Variants in AKAP19 observed in about 807,000 individuals in gnomAD.
The protein encoded by AKAP19 is small A-kinase anchoring protein.
At chr2:190,087,508 G>A in the AKAP19 span, among the ~76,000 whole-genome samples, 2 of 152,146 alleles carry the variant, frequency 1.3e-5, no homozygotes, top group Non-Finnish European at 2.9e-5. Context: ...CTTTTAGTAA[G>A]CATTAATTTG....
chr2:190,043,137 T>C, the AKAP19 span, among the ~76,000 whole-genome samples: 4 of 152,190 alleles, frequency 2.6e-5, no homozygotes. Flanking sequence ...CTTTCTTTCA[T>C]TTTGACCTTG....
chr2:190,055,060 A>G, the AKAP19 span, among the ~76,000 whole-genome samples: 2 of 152,206 alleles, frequency 1.3e-5, no homozygotes, highest in African/African-American at 2.4e-5. Flanking sequence ...TCACAATAGC[A>G]AAGACTTGGA....
chr2:190,047,691 G>A, the AKAP19 span, among the ~76,000 whole-genome samples: 1 of 152,212 alleles, frequency 6.6e-6, no homozygotes, highest in Non-Finnish European at 1.5e-5. Flanking sequence ...TTACTTCAGA[G>A]GGAAAGTACC....
chr2:189,915,267 C>T, the AKAP19 span, among the ~76,000 whole-genome samples: 12 of 152,186 alleles, frequency 7.9e-5, no homozygotes, highest in Middle Eastern at 6.8e-3. Context: ...TAAAAATAAC[C>T]TTTGCTTCTT....
At chr2:190,046,132 T>TC in the AKAP19 span, among the ~76,000 whole-genome samples, 2 of 152,020 alleles carry the variant, frequency 1.3e-5, no homozygotes, top group Admixed American at 1.3e-4. Context: ...CCTTGATTAG[T>TC]CCCAGCGTGA....
the AKAP19 span, among the ~76,000 whole-genome samples, chr2:190,072,312 T>G: frequency 6.6e-6 from 1 of 152,124 alleles, no homozygotes; most frequent in Non-Finnish European, 1.5e-5. Context: ...TGTAGGGTAC[T>G]AAGCTCACTA....
At chr2:189,967,036 C>T in the AKAP19 span, among the ~76,000 whole-genome samples, 1 of 152,216 alleles carries the variant, frequency 6.6e-6, no homozygotes, top group East Asian at 1.9e-4. Context: ...CATGGCTTCT[C>T]AAATACTCTA....
chr2:190,118,203 T>C, the AKAP19 span, among the ~76,000 whole-genome samples: 1 of 151,992 alleles, frequency 6.6e-6, no homozygotes, highest in Non-Finnish European at 1.5e-5. Context: ...AATAACAGGC[T>C]CTGAAATTGA....
At chr2:190,026,840 A>G in the AKAP19 span, among the ~76,000 whole-genome samples, 1,388 of 152,264 alleles carry the variant, frequency 9.1e-3, 13 homozygotes, top group Non-Finnish European at 0.016. Flanking sequence ...ATTGAATTAA[A>G]TGAATATTTG....
the AKAP19 span, among the ~76,000 whole-genome samples, chr2:190,076,831 A>C: frequency 6.6e-6 from 1 of 152,152 alleles, no homozygotes; most frequent in Non-Finnish European, 1.5e-5. Flanking sequence ...TAAATTTGGA[A>C]AAAGCTCAGC....
the AKAP19 span, among the ~76,000 whole-genome samples, chr2:189,943,429 A>C: frequency 6.6e-6 from 1 of 152,366 alleles, no homozygotes; most frequent in South Asian, 2.1e-4. Flanking sequence ...CCTAGATTTT[A>C]GAGGCTGTAT....
At chr2:189,981,172 T>C in the AKAP19 span, among the ~76,000 whole-genome samples, 1 of 152,240 alleles carries the variant, frequency 6.6e-6, no homozygotes. Context: ...GTATTTGTTT[T>C]TTAAACCTGG....
At chr2:189,990,374 C>G in the AKAP19 span, among the ~76,000 whole-genome samples, 1 of 152,044 alleles carries the variant, frequency 6.6e-6, no homozygotes, top group African/African-American at 2.4e-5. Flanking sequence ...TATGATACAT[C>G]TACTGAGATG....
At chr2:189,884,640 C>A in the AKAP19 span, among the ~76,000 whole-genome samples, 2 of 152,162 alleles carry the variant, frequency 1.3e-5, no homozygotes, top group Non-Finnish European at 2.9e-5. Context: ...AATAAAATGT[C>A]CAATCCTCTG....
the AKAP19 span, among the ~76,000 whole-genome samples, chr2:190,009,202 G>T: frequency 3.9e-5 from 6 of 152,126 alleles, no homozygotes; most frequent in Admixed American, 2.6e-4. Flanking sequence ...AGAGGACTTT[G>T]TCTTTTATTA....
chr2:190,199,858 A>G, the AKAP19 span: 1 of 1,613,194 alleles, frequency 6.2e-7, no homozygotes. Context: ...AGCTCTTCAT[A>G]ACATGGGCTG....
the AKAP19 span, among the ~76,000 whole-genome samples, chr2:190,018,809 A>G: frequency 1.3e-5 from 2 of 152,136 alleles, no homozygotes; most frequent in South Asian, 4.1e-4. Context: ...TCACTGTTTC[A>G]TGTAGCCTGT....
At chr2:189,940,214 G>T in the AKAP19 span, among the ~76,000 whole-genome samples, 3 of 150,830 alleles carry the variant, frequency 2.0e-5, no homozygotes, top group African/African-American at 7.4e-5. Context: ...AGGAGGCGGA[G>T]TTTGCAGTGA....
At chr2:189,941,360 C>T in the AKAP19 span, among the ~76,000 whole-genome samples, 6 of 152,124 alleles carry the variant, frequency 3.9e-5, no homozygotes, top group Non-Finnish European at 8.8e-5. Flanking sequence ...CTCGTAACTC[C>T]AGTATGAAGG....
Sources: allele counts gnomAD v4.1 joint callset (sites outside exome capture counted in the v4.1 genomes callset), GRCh38; gene constraint gnomAD v4.1.1; transcripts MANE v1.5; gene names NCBI Gene and HGNC (gene_info 2026-07-23, HGNC 2026-07-21).